Variants in ARID1B observed in about 807,000 individuals in gnomAD.
ARID1B encodes AT-rich interactive domain-containing protein 1B.
A neutral mutation model predicts 212.3 loss-of-function variants in ARID1B; 30 were observed. That is an observed-to-expected ratio of 0.14 (90% CI 0.11 to 0.19). ARID1B has a LOEUF of 0.19. Among genes scored for constraint, ARID1B ranks in the 10% least tolerant of loss-of-function variants. The pLI, the probability that ARID1B is intolerant of heterozygous loss-of-function variation, is 1.00. For missense variants in ARID1B, 2,891 were observed against 3,204.0 expected, an observed-to-expected ratio of 0.90 and a Z score of 2.36; for synonymous variants, 1,402 against 1,301.7, an observed-to-expected ratio of 1.08 and a Z score of -1.66.
In ARID1B at chr6:156,795,914, G is replaced by C. The variant is rs372073975; in HGVS notation, c.1791+16443G>C. 3.2e-4 allele frequency among the ~76,000 whole-genome samples: 48 copies of C among 152,256 alleles called. No homozygotes were observed. In the South Asian group the frequency reaches 9.8e-3, roughly 31 times the overall value. ...CAGTTTAGCTCATAACCTTGTCTTA[G>C]ACAAGGGGTGTAAGTTAAATTTCAC... is the stretch of plus-strand genomic sequence containing the variant. On this transcript the variant is annotated intron_variant, in intron 1 of 19. Coordinates refer to ENST00000636930, the MANE Select transcript of ARID1B (RefSeq NM_001374828.1).
chr6:157,041,618 C>T (rs1012392376), intron 4 of ARID1B, among the ~76,000 whole-genome samples: 6 of 152,246 alleles, frequency 3.9e-5, no homozygotes, highest in East Asian at 1.9e-4. Flanking sequence ...TCATATGAGA[C>T]GTGGACACTG....
In ARID1B at chr6:157,206,579, A is replaced by G. The variant is rs139181534; in HGVS notation, c.5807A>G (p.Asn1936Ser). 46 of 1,614,168 alleles carry G rather than the reference A, an allele frequency of 2.8e-5. No individual in the cohort carries two copies. The highest frequency in any genetic ancestry group is 1.6e-4 in the Middle Eastern group (1 of 6,062). ...SDKLGRVQEF[N>S]SGLLHWQLGG... ...AAGTTGGGGCGTGTGCAGGAGTTCA[A>G]TAGTGGCCTTCTGCACTGGCAGCTC... The change falls in exon 20 of 20, where the codon AAT becomes AGT. Residue 1936 changes from asparagine to serine, a missense_variant. By Grantham distance (46) the Asn-to-Ser change is conservative. Coordinates refer to ENST00000636930, the MANE Select transcript of ARID1B (RefSeq NM_001374828.1). This position sits in a 1 kb window ranked among gnomAD's most constrained non-coding sequence, Gnocchi z 6.8.
At chr6:157,101,824 C>T (rs977120121) in intron 5 of ARID1B, among the ~76,000 whole-genome samples, 17 of 152,084 alleles carry the variant, frequency 1.1e-4, no homozygotes, top group African/African-American at 3.4e-4. Context: ...GCATTAAAAC[C>T]GAAATCAAGT....
intron 12 of ARID1B, among the ~76,000 whole-genome samples, chr6:157,183,606 C>T (rs1287051311): frequency 3.3e-5 from 5 of 152,184 alleles, no homozygotes; most frequent in African/African-American, 7.2e-5. Context: ...CCTCCTTTTG[C>T]GACTGTGTTG....
chr6:157,200,670 C>A lies in ARID1B; in HGVS notation c.4480-35C>A. The A allele has an allele frequency of 6.4e-7, 1 of 1,559,306 alleles. No homozygotes were observed. Among genetic ancestry groups the A allele is most frequent in the Non-Finnish European group, 8.7e-7 (1 of 1,153,504 alleles). ...CAGTGTGTGATTATACCTGTAAGAG[C>A]ACATCAGGATGATTTGTCTTTCTGT... On this transcript the variant is annotated intron_variant, in intron 17 of 19. Coordinates refer to ENST00000636930, the MANE Select transcript of ARID1B (RefSeq NM_001374828.1). This position sits in a 1 kb window ranked among gnomAD's most constrained non-coding sequence, Gnocchi z 4.3.
At chr6:156,784,265 G>C (rs907934334) in intron 1 of ARID1B, among the ~76,000 whole-genome samples, 15 of 152,162 alleles carry the variant, frequency 9.9e-5, no homozygotes, top group Non-Finnish European at 1.9e-4. Flanking sequence ...CTTGCTTGAG[G>C]CTGAGGAATC....
intron 4 of ARID1B, among the ~76,000 whole-genome samples, chr6:157,021,565 A>G (rs1057172196): frequency 3.3e-5 from 5 of 152,122 alleles, no homozygotes; most frequent in African/African-American, 9.7e-5. Flanking sequence ...CAGGGGGACG[A>G]AAACAACCGC....
intron 4 of ARID1B, among the ~76,000 whole-genome samples, chr6:157,025,872 G>A (rs1200810975): frequency 1.1e-5 from 1 of 89,252 alleles, no homozygotes; most frequent in African/African-American, 3.4e-5. Flanking sequence ...ATTTACCTTT[G>A]TAAGAAACTA....
chr6:157,101,053 T>A (rs1562618417), intron 5 of ARID1B, among the ~76,000 whole-genome samples: 1 of 152,212 alleles, frequency 6.6e-6, no homozygotes, highest in Non-Finnish European at 1.5e-5. Flanking sequence ...TCCATGAGGC[T>A]GTACTAGAAT....
At chr6:156,836,743 C>A (rs762114236) in intron 2 of ARID1B, among the ~76,000 whole-genome samples, 1 of 152,224 alleles carries the variant, frequency 6.6e-6, no homozygotes, top group South Asian at 2.1e-4. Context: ...CGGCTCACTG[C>A]AGCCTTGACC....
At chr6:156,804,185 A>C (rs192877641) in intron 1 of ARID1B, among the ~76,000 whole-genome samples, 1 of 152,170 alleles carries the variant, frequency 6.6e-6, no homozygotes, top group East Asian at 1.9e-4. Flanking sequence ...GAAAATACAA[A>C]AATTAGCTGG....
intron 4 of ARID1B, among the ~76,000 whole-genome samples, chr6:156,954,338 C>CTTTCT (rs1375715881): frequency 6.6e-6 from 1 of 151,988 alleles, no homozygotes; most frequent in African/African-American, 2.4e-5. Context: ...TTCTGGAGAA[C>CTTTCT]TGTTGGACAT....
At position 157,072,997 on chromosome 6, in the gene ARID1B, A is replaced by G. The variant is rs553645252; in HGVS notation, c.2248-11665A>G. On this transcript the variant is annotated intron_variant, in intron 4 of 19. Coordinates refer to ENST00000636930, the MANE Select transcript of ARID1B (RefSeq NM_001374828.1). ...AAGTGCCAAAGGCCATTTGCTTAGT[A>G]TAATATTGATTGTTAATATAACTCT... Among the ~76,000 whole-genome samples the G allele has an allele frequency of 1.1e-3, 168 of 152,308 alleles. No homozygotes were observed. The Middle Eastern group carries it at 0.034, about 31-fold the overall frequency.
chr6:157,170,774 C>G (rs1791665044), intron 9 of ARID1B, among the ~76,000 whole-genome samples: 1 of 152,272 alleles, frequency 6.6e-6, no homozygotes, highest in African/African-American at 2.4e-5. Flanking sequence ...ATGGAGGGTC[C>G]TCCCGGTCAG....
At chr6:157,024,153 A>G (rs539524474) in intron 4 of ARID1B, 61 of 152,298 alleles carry the variant, frequency 4.0e-4, no homozygotes, top group African/African-American at 1.3e-3. Flanking sequence ...CTGAAGTGCC[A>G]CTCTGTGGAA....
rs567668222 is a variant in ARID1B at position 157,084,825 on chromosome 6, G to C, written c.2411G>C (p.Gly804Ala). ...CCTCATCTCTCCAGCATCCCGGGGGGCCCATCTCCCTCTCCTGTTGGCTCT... is the reference window on the plus strand; with the variant it reads ...CCTCATCTCTCCAGCATCCCGGGGGCCCCATCTCCCTCTCCTGTTGGCTCT... ...ASPHLSSIPG[G>A]PSPSPVGSPV... is the part of the protein sequence containing the mutation. Residue 804 changes from glycine (G) to alanine (A), a missense_variant, in exon 5 of 20, where the codon GGC (glycine) becomes GCC (alanine). Coordinates refer to ENST00000636930, the MANE Select transcript of ARID1B (RefSeq NM_001374828.1). The C allele has an allele frequency of 6.2e-7, 1 of 1,614,014 alleles. No homozygotes were observed. Among genetic ancestry groups the C allele is most frequent in the South Asian group, 1.1e-5 (1 of 91,060 alleles).
intron 2 of ARID1B, among the ~76,000 whole-genome samples, chr6:156,836,389 C>T (rs1203342747): frequency 1.3e-5 from 2 of 152,120 alleles, no homozygotes; most frequent in Non-Finnish European, 2.9e-5. Flanking sequence ...GCGGGGGCAG[C>T]TCACACCTTC....
intron 13 of ARID1B, chr6:157,186,748 A>G (rs1454410186): frequency 3.5e-5 from 12 of 343,620 alleles, no homozygotes; most frequent in Non-Finnish European, 5.7e-6. Context: ...CAGCACATTC[A>G]GGCGAACTAA....
At chr6:157,196,095 T>C in intron 15 of ARID1B, 70 bp from the exon 16 acceptor site, 1 of 1,567,228 alleles carries the variant, frequency 6.4e-7, no homozygotes. Context: ...TAGAGATGAC[T>C]AGAAGGGATG....
Sources: allele counts gnomAD v4.1 joint callset (sites outside exome capture counted in the v4.1 genomes callset), GRCh38; gene constraint gnomAD v4.1.1; non-coding constraint Gnocchi (gnomAD v3.1); transcripts MANE v1.5; gene names NCBI Gene and HGNC (gene_info 2026-07-23, HGNC 2026-07-21).